The following TENM3 variants were observed in gnomAD, a reference collection of about 807,000 sequenced individuals.
TENM3 encodes the protein teneurin-3.
Under a neutral mutation model 255.1 loss-of-function variants are expected in TENM3, and 63 were observed. The observed-to-expected ratio is 0.25, with a 90% CI of 0.20 to 0.30. TENM3 has a LOEUF of 0.30. TENM3 is among the 10% of genes least tolerant of loss of function. TENM3 has a pLI of 1.00. For synonymous variants in TENM3, 1,306 were observed against 1,322.3 expected, an observed-to-expected ratio of 0.99 and a Z score of 0.27; for missense variants, 2,929 against 3,461.1, an observed-to-expected ratio of 0.85 and a Z score of 3.86.
At chr4:181,638,612 A>G in the TENM3 span, among the ~76,000 whole-genome samples, 1 of 152,222 alleles carries the variant, frequency 6.6e-6, no homozygotes, top group South Asian at 2.1e-4. Context: ...TTATGAGAGC[A>G]GAGAGATTTG....
At chr4:182,272,238 A>C (rs1253364559) in intron 1 of TENM3, among the ~76,000 whole-genome samples, 1 of 152,202 alleles carries the variant, frequency 6.6e-6, no homozygotes, top group Non-Finnish European at 1.5e-5. Flanking sequence ...ATTAATCTCA[A>C]TCCTCCACAC....
the TENM3 span, among the ~76,000 whole-genome samples, chr4:182,084,242 T>C: frequency 6.6e-6 from 1 of 152,144 alleles, no homozygotes; most frequent in South Asian, 2.1e-4. Context: ...GAGAATTAAT[T>C]CTCATATGAA....
chr4:182,777,488 C>T (rs909483619), intron 24 of TENM3, among the ~76,000 whole-genome samples: 2 of 142,662 alleles, frequency 1.4e-5, no homozygotes, highest in Admixed American at 7.3e-5. Context: ...ATATCATTCT[C>T]TCTGTCTATA....
chr4:181,918,493 AAT>A, the TENM3 span, among the ~76,000 whole-genome samples: 1 of 152,190 alleles, frequency 6.6e-6, no homozygotes, highest in African/African-American at 2.4e-5. Context: ...AATAGATTCC[AAT>A]TATTTATATA....
At chr4:182,659,120 A>G (rs1334577302) in intron 6 of TENM3, among the ~76,000 whole-genome samples, 1 of 152,218 alleles carries the variant, frequency 6.6e-6, no homozygotes, top group Non-Finnish European at 1.5e-5. Context: ...ATGCCATTGC[A>G]CAAGGGCACG....
chr4:182,701,691 G>A (rs181401206), intron 12 of TENM3, among the ~76,000 whole-genome samples: 118 of 152,280 alleles, frequency 7.7e-4, no homozygotes, highest in Admixed American at 2.0e-3. Flanking sequence ...CCCTACAAGC[G>A]TTGTCCTCTG....
At chr4:181,605,593 G>GAA in the TENM3 span, among the ~76,000 whole-genome samples, 1 of 97,188 alleles carries the variant, frequency 1.0e-5, no homozygotes, top group African/African-American at 3.5e-5. Flanking sequence ...AGGAAAGAAA[G>GAA]AAAGAAAGAA....
chr4:182,374,692 T>TC (rs1767061116), intron 3 of TENM3, among the ~76,000 whole-genome samples: 2 of 152,184 alleles, frequency 1.3e-5, no homozygotes, highest in African/African-American at 2.4e-5. Context: ...CCTGAGTATA[T>TC]AGGAGGTGTA....
At chr4:182,047,493 T>A in the TENM3 span, among the ~76,000 whole-genome samples, 1 of 127,138 alleles carries the variant, frequency 7.9e-6, no homozygotes, top group Non-Finnish European at 1.5e-5. Flanking sequence ...ACCTGGGAGG[T>A]GGAGATTGCA....
At chr4:181,951,929 G>A in the TENM3 span, among the ~76,000 whole-genome samples, 1 of 152,090 alleles carries the variant, frequency 6.6e-6, no homozygotes, top group African/African-American at 2.4e-5. Flanking sequence ...ATATTGTAGG[G>A]TTTTTCCATG....
chr4:181,877,095 A>G, the TENM3 span: 1 of 152,160 alleles, frequency 6.6e-6, no homozygotes, highest in Non-Finnish European at 1.5e-5. Flanking sequence ...TAACATACAC[A>G]TGTCTTGCCT....
At chr4:182,221,215 C>T (rs548268519) in intron 1 of TENM3, among the ~76,000 whole-genome samples, 2 of 152,158 alleles carry the variant, frequency 1.3e-5, no homozygotes, top group African/African-American at 2.4e-5. Flanking sequence ...GATAAACAAG[C>T]GATTTGCTCT....
chr4:181,843,176 C>T, the TENM3 span, among the ~76,000 whole-genome samples: 1 of 152,164 alleles, frequency 6.6e-6, no homozygotes, highest in African/African-American at 2.4e-5. Context: ...TCCTTACACT[C>T]ACCTTTAGAT....
chr4:182,690,637 A>G (rs1392565974), intron 12 of TENM3, among the ~76,000 whole-genome samples: 3 of 152,202 alleles, frequency 2.0e-5, no homozygotes, highest in Non-Finnish European at 4.4e-5. Flanking sequence ...TTTGAAAACC[A>G]GGAAGTGTGC....
At chr4:181,897,413 G>A in the TENM3 span, among the ~76,000 whole-genome samples, 1 of 152,138 alleles carries the variant, frequency 6.6e-6, no homozygotes, top group Non-Finnish European at 1.5e-5. Context: ...TTGGCTAAGT[G>A]TATCCAGGAA....
chr4:181,550,453 G>T, the TENM3 span, among the ~76,000 whole-genome samples: 4 of 152,166 alleles, frequency 2.6e-5, no homozygotes, highest in Non-Finnish European at 4.4e-5. Context: ...ATAAGCACAT[G>T]CTCTGCAACC....
intron 14 of TENM3, among the ~76,000 whole-genome samples, chr4:182,729,897 TG>T (rs1194068608): frequency 6.6e-6 from 1 of 152,126 alleles, no homozygotes; most frequent in East Asian, 1.9e-4. Flanking sequence ...ATATGACTTA[TG>T]AAAAAAGCAC....
the TENM3 span, among the ~76,000 whole-genome samples, chr4:181,591,526 T>C: frequency 6.6e-6 from 1 of 152,200 alleles, no homozygotes; most frequent in African/African-American, 2.4e-5. Context: ...AAGCATACTA[T>C]AGCAGGGGTC....
At chr4:182,025,501 G>A in the TENM3 span, among the ~76,000 whole-genome samples, 2 of 152,156 alleles carry the variant, frequency 1.3e-5, no homozygotes, top group South Asian at 4.2e-4. Context: ...GTATCTCTTT[G>A]ATATACTGAT....
Sources: gnomAD v4.1 joint callset for allele counts (sites outside exome capture counted in the v4.1 genomes callset) on GRCh38, gnomAD v4.1.1 for gene constraint, MANE v1.5 for transcripts, NCBI Gene and HGNC (gene_info 2026-07-23, HGNC 2026-07-21) for gene names.